The following TTC28 variants were observed in gnomAD, a reference collection of about 807,000 sequenced individuals.
TTC28 encodes the protein tetratricopeptide repeat domain 28, also known as tetratricopeptide repeat protein 28.
A neutral mutation model predicts 198.0 loss-of-function variants in TTC28; 61 were observed. The ratio of observed to expected loss-of-function variants is 0.31; its 90% CI spans 0.25 to 0.38. TTC28 has a LOEUF of 0.38. Ranked by LOEUF, TTC28 falls within the 10% of genes least tolerant of loss-of-function variation. The probability of loss-of-function intolerance (pLI) is 1.00; values close to 1 mark genes in which losing one functional copy is unlikely to be tolerated. For synonymous variants in TTC28, 1,171 were observed against 1,297.8 expected (o/e 0.90, Z 2.10); for missense variants, 2,678 against 3,164.0 (o/e 0.85, Z 3.69).
At chr22:28,387,394 T>A (rs892399293) in intron 2 of TTC28, among the ~76,000 whole-genome samples, 2 of 152,222 alleles carry the variant, frequency 1.3e-5, no homozygotes, top group Non-Finnish European at 2.9e-5. Context: ...CTATTTCTAG[T>A]TCTAGTTCCC....
intron 5 of TTC28, among the ~76,000 whole-genome samples, chr22:28,252,957 C>G (rs115847707): frequency 0.016 from 2,367 of 152,278 alleles, 81 homozygotes; most frequent in African/African-American, 0.055. Flanking sequence ...TCACTCAACT[C>G]AGTAGCTATA....
chr22:28,506,208 C>A (rs2146381072), intron 2 of TTC28, among the ~76,000 whole-genome samples: 1 of 150,836 alleles, frequency 6.6e-6, no homozygotes, highest in East Asian at 2.0e-4. Context: ...CAGACTCGGC[C>A]GTTCCAGCCT....
intron 14 of TTC28, among the ~76,000 whole-genome samples, chr22:28,009,668 C>T (rs1938065069): frequency 6.6e-6 from 1 of 152,248 alleles, no homozygotes; most frequent in Admixed American, 6.5e-5. Context: ...CATGGCCCAC[C>T]GGCCTCGGGT....
chr22:28,662,348 G>A (rs1337512231), intron 1 of TTC28, among the ~76,000 whole-genome samples: 1 of 152,154 alleles, frequency 6.6e-6, no homozygotes, highest in African/African-American at 2.4e-5. Flanking sequence ...ATCAAAGACA[G>A]TCTAAGGCAA....
At chr22:28,636,286 C>G (rs137949583) in intron 1 of TTC28, among the ~76,000 whole-genome samples, 4 of 151,586 alleles carry the variant, frequency 2.6e-5, no homozygotes, top group Non-Finnish European at 4.4e-5. Context: ...CCACCATGTC[C>G]GGCTAATTTT....
intron 5 of TTC28, among the ~76,000 whole-genome samples, chr22:28,209,199 G>C (rs373196144): frequency 3.9e-4 from 59 of 152,176 alleles, no homozygotes; most frequent in African/African-American, 1.4e-3. Flanking sequence ...TGGCCGAATA[G>C]GAACAGCTCC....
chr22:28,179,942 T>C (rs539033823), intron 5 of TTC28, among the ~76,000 whole-genome samples: 2 of 152,214 alleles, frequency 1.3e-5, no homozygotes, highest in African/African-American at 4.8e-5. Context: ...CACATTTTTA[T>C]AGAAAAAACA....
At chr22:28,338,947 G>A (rs906385300) in intron 2 of TTC28, among the ~76,000 whole-genome samples, 6 of 152,146 alleles carry the variant, frequency 3.9e-5, no homozygotes, top group South Asian at 2.1e-4. Context: ...GAGGAGAGGC[G>A]CTCTGATTTT....
chr22:28,643,064 T>G (rs2051395355), intron 1 of TTC28: 1 of 152,224 alleles, frequency 6.6e-6, no homozygotes, highest in Non-Finnish European at 1.5e-5. Flanking sequence ...CAGAGGAGTT[T>G]TGACCTGTTT....
intron 5 of TTC28, among the ~76,000 whole-genome samples, chr22:28,205,967 C>A (rs1318005333): frequency 1.4e-5 from 2 of 146,804 alleles, no homozygotes; most frequent in East Asian, 3.9e-4. Flanking sequence ...CCCGGCTGCA[C>A]AAAACCCTAT....
At chr22:28,659,821 C>A (rs553573857) in intron 1 of TTC28, among the ~76,000 whole-genome samples, 3 of 149,850 alleles carry the variant, frequency 2.0e-5, no homozygotes, top group Non-Finnish European at 4.4e-5. Context: ...TTTCTTGAGA[C>A]AAGGTCTCGC....
intron 2 of TTC28, among the ~76,000 whole-genome samples, chr22:28,504,357 ATG>A (rs750926087): frequency 3.3e-5 from 5 of 151,772 alleles, no homozygotes; most frequent in Admixed American, 1.3e-4. Flanking sequence ...CTATATAGCT[ATG>A]TGTGTGTGTG....
chr22:28,412,201 C>T (rs1328729088), intron 2 of TTC28, among the ~76,000 whole-genome samples: 1 of 152,198 alleles, frequency 6.6e-6, no homozygotes, highest in Non-Finnish European at 1.5e-5. Flanking sequence ...TGAATGGAGG[C>T]TGTGCCAGAT....
chr22:28,250,866 G>A (rs1186239294), intron 5 of TTC28, among the ~76,000 whole-genome samples: 1 of 152,170 alleles, frequency 6.6e-6, no homozygotes, highest in Non-Finnish European at 1.5e-5. Flanking sequence ...TGGCTGAGAT[G>A]CAAGCCTAGA....
At chr22:28,162,691 A>G (rs135654) in intron 6 of TTC28, among the ~76,000 whole-genome samples, 142,119 of 152,316 alleles carry the variant, frequency 0.93, 66,404 homozygotes, top group South Asian at 0.97. Flanking sequence ...GGCTTATGCC[A>G]TAATTGTAGC....
chr22:28,482,116 G>A (rs1313046871), intron 2 of TTC28, among the ~76,000 whole-genome samples: 1 of 150,356 alleles, frequency 6.7e-6, no homozygotes, highest in African/African-American at 2.4e-5. Flanking sequence ...TCTCCCATAT[G>A]AATCAACTAG....
At chr22:28,158,704 T>C (rs996323558) in intron 6 of TTC28, among the ~76,000 whole-genome samples, 2 of 152,170 alleles carry the variant, frequency 1.3e-5, no homozygotes, top group Admixed American at 1.3e-4. Context: ...AAACTGGATA[T>C]CCATATGCAG....
chr22:28,659,173 C>T (rs752499887), intron 1 of TTC28, among the ~76,000 whole-genome samples: 39 of 152,206 alleles, frequency 2.6e-4, no homozygotes, highest in Non-Finnish European at 4.9e-4. Context: ...ATGTTTGTTG[C>T]TAAAAACAAG....
chr22:28,501,037 C>G (rs1202688521), intron 2 of TTC28, among the ~76,000 whole-genome samples: 1 of 152,116 alleles, frequency 6.6e-6, no homozygotes, highest in Non-Finnish European at 1.5e-5. Context: ...ACATCTTGAA[C>G]AATATTCCTC....
Sources: allele counts gnomAD v4.1 joint callset (sites outside exome capture counted in the v4.1 genomes callset), GRCh38; gene constraint gnomAD v4.1.1; transcripts MANE v1.5; gene names NCBI Gene and HGNC (gene_info 2026-07-23, HGNC 2026-07-21).